The following TTN variants were observed in gnomAD, a reference collection of about 807,000 sequenced individuals.
TTN encodes the protein titin.
A neutral mutation model predicts 3,223.0 loss-of-function variants in TTN; 1,525 were observed. The observed-to-expected ratio is 0.47, with a 90% CI of 0.45 to 0.49. The LOEUF is 0.49. TTN is among the 20% of genes least tolerant of loss of function. The pLI, the probability that TTN is intolerant of heterozygous loss-of-function variation, is 0.00. For missense variants in TTN, 40,786 were observed against 43,424.0 expected, an observed-to-expected ratio of 0.94 and a Z score of 5.40; for synonymous variants, 14,094 against 15,161.0, an observed-to-expected ratio of 0.93 and a Z score of 5.17.
chr2:178,618,360 T>C lies in TTN; in HGVS notation c.47098A>G (p.Lys15700Glu), dbSNP rs2057727269. The change falls in exon 252 of 363, where the codon AAG (lysine) becomes GAG (glutamate). Residue 15700 changes from lysine to glutamate, a missense_variant. Coordinates refer to ENST00000589042, the MANE Select transcript of TTN (RefSeq NM_001267550.2). Reference protein sequence around the residue: ...IGYVVERRDIKRKTWVLATDR... With the variant: ...IGYVVERRDIERKTWVLATDR... Reference sequence around the variant, plus strand: ...GTGGCCAGAACCCAGGTCTTTCTCTTAATGTCACGTCTTTCAACAACGTAA... The same window carrying C: ...GTGGCCAGAACCCAGGTCTTTCTCTCAATGTCACGTCTTTCAACAACGTAA... The C allele has an allele frequency of 6.2e-7, 1 of 1,612,572 alleles. No individual in the cohort carries two copies. The highest frequency in any genetic ancestry group is 8.5e-7 in the Non-Finnish European group (1 of 1,179,102).
intron 41 of TTN, among the ~76,000 whole-genome samples, chr2:178,765,233 A>G (rs1348146854): frequency 6.6e-6 from 1 of 152,182 alleles, no homozygotes. Context: ...TTTTGCAAGT[A>G]TTTGTGTTTA....
At chr2:178,624,817 A>T in intron 241 of TTN, 86 bp from the exon 242 acceptor site, 2 of 1,495,302 alleles carry the variant, frequency 1.3e-6, no homozygotes, top group Non-Finnish European at 1.8e-6. Context: ...TGCCATCTCC[A>T]GGGCTTTGTT....
At position 178,613,983 on chromosome 2, in the gene TTN, AAT is replaced by A. The variant is rs761551875; in HGVS notation, c.49346-48_49346-47del. 7 of 1,609,192 alleles carry A rather than the reference AAT, an allele frequency of 4.4e-6. No individual in the cohort carries two copies. In the East Asian group the frequency reaches 1.6e-4, roughly 36 times the overall value. ...TAAAATGTTATATGTCCTGTATATAAATATGACACCAAAATGCAAGTTTGACA... is the reference window on the plus strand; with the variant it reads ...TAAAATGTTATATGTCCTGTATATAAATGACACCAAAATGCAAGTTTGACA... On this transcript the variant is annotated intron_variant, in intron 262 of 362. Transcript: ENST00000589042.
At position 178,563,005 on chromosome 2, in the gene TTN, C is replaced by G; in HGVS notation, c.83127G>C (p.Trp27709Cys). 1 of 1,613,686 alleles carries G rather than the reference C, an allele frequency of 6.2e-7. No individual in the cohort carries two copies. Among genetic ancestry groups the G allele is most frequent in the South Asian group, 1.1e-5 (1 of 91,080 alleles). The change falls in exon 326 of 363, where the codon TGG (tryptophan) becomes TGC (cysteine). Residue 27709 changes from tryptophan (W) to cysteine (C), a missense_variant. By Grantham distance (215) the Trp-to-Cys change is radical. Transcript: ENST00000589042. This position sits in a 1 kb window ranked among gnomAD's most constrained non-coding sequence, Gnocchi z 4.5. ...IKGRPEPEVK[W>C]EKAEGILTDR... The stretch of plus-strand genomic sequence containing the variant: ...CAGTGAGAATGCCTTCTGCCTTTTC[C>G]CATTTAACTTCGGGTTCTGGTCGAC...
chr2:178,742,468 G>T (rs933267878), intron 47 of TTN, among the ~76,000 whole-genome samples: 2 of 152,054 alleles, frequency 1.3e-5, no homozygotes, highest in African/African-American at 4.8e-5. Context: ...ACTGTTTTCA[G>T]TTTCTAGAAA....
rs1578188351 is a variant in TTN, at chr2:178,732,826, C to T, written c.16342+8G>A. ...TAATAAGGATAAAATGCAAAGTCTC[C>T]AGCCAACCTTGCACAATCAGGGCTC... On this transcript the variant is annotated splice_region_variant and intron_variant, in intron 55 of 362. Transcript: ENST00000589042. 3 of 1,601,068 alleles carry T rather than the reference C, an allele frequency of 1.9e-6. No individual in the cohort carries two copies. The highest frequency in any genetic ancestry group is 2.6e-6 in the Non-Finnish European group (3 of 1,172,508).
chr2:178,632,540 T>C lies in TTN; in HGVS notation c.43466A>G (p.Lys14489Arg). The change falls in exon 235 of 363, where the codon AAA becomes AGA. Residue 14489 changes from lysine (K) to arginine (R), a missense_variant. By Grantham distance (26) the Lys-to-Arg change is conservative (BLOSUM62 2). Coordinates refer to ENST00000589042, the MANE Select transcript of TTN (RefSeq NM_001267550.2). Reference sequence around the variant, plus strand: ...AAACTATTTACCTTCAATGATCAGTTTGCCACTTGTGTGCTTATCTTCAGC... The same window carrying C: ...AAACTATTTACCTTCAATGATCAGTCTGCCACTTGTGTGCTTATCTTCAGC... ...FEAEDKHTSG[K>R]LIIEGIRLKF... 1 of 1,613,198 alleles carries C rather than the reference T, an allele frequency of 6.2e-7. No individual in the cohort carries two copies. The highest frequency in any genetic ancestry group is 1.1e-5 in the South Asian group (1 of 90,964).
Position 178,728,742 on chromosome 2 carries a change from T to C in TTN, c.19184A>G (p.Asp6395Gly). The C allele has an allele frequency of 6.2e-7, 1 of 1,606,706 alleles. No individual in the cohort carries two copies. Among genetic ancestry groups the C allele is most frequent in the Non-Finnish European group, 8.5e-7 (1 of 1,173,930 alleles). The change falls in exon 66 of 363, where the codon GAT becomes GGT. Residue 6395 changes from aspartate (D) to glycine (G), a missense_variant. Transcript: ENST00000589042. ...GGTCATGGGATCTTTCTCCGTAACA[T>C]CAACTGATTTAGCTTTCTCTACGAT... Reference protein sequence around the residue: ...AQIVEKAKSVDVTEKDPMTLE... With the variant: ...AQIVEKAKSVGVTEKDPMTLE...
rs750203753 is a variant in TTN at position 178,549,794 on chromosome 2, G to A, written c.91928C>T (p.Ala30643Val). The A allele has an allele frequency of 2.2e-5, 35 of 1,610,822 alleles. No individual in the cohort carries two copies. Among genetic ancestry groups the A allele is most frequent in the South Asian group, 6.6e-5 (6 of 90,924 alleles). ...TGEKMTLWWD[A>V]PLNDGCAPIT... ...GGGAGCACAACCGTCATTGAGTGGG[G>A]CATCCCACCACAGAGTCATCTTCTC... The change falls in exon 338 of 363, where the codon GCC (alanine) becomes GTC (valine). Residue 30643 changes from alanine (A) to valine (V), a missense_variant. Ala to Val is a moderately conservative substitution (Grantham distance 64). Transcript: ENST00000589042.
chr2:178,548,314 CATT>C lies in TTN; in HGVS notation c.93309_93311del (p.Met31104del). The C allele has an allele frequency of 6.2e-7, 1 of 1,613,800 alleles. No homozygotes were observed. The highest frequency in any genetic ancestry group is 8.5e-7 in the Non-Finnish European group (1 of 1,179,796). On this transcript the variant is annotated inframe_deletion, in exon 339 of 363. Transcript: ENST00000589042. This position sits in a 1 kb window ranked among gnomAD's most constrained non-coding sequence, Gnocchi z 4.3. ...GTTCTGTGGCTACAATTGGTTCTGG[CATT>C]TCATAGGGCTCACCAACACCATACT...
Position 178,569,268 on chromosome 2 carries a change from A to G in TTN, c.76864T>C (p.Trp25622Arg). The G allele has an allele frequency of 6.2e-7, 1 of 1,606,730 alleles. No individual in the cohort carries two copies. Among genetic ancestry groups the G allele is most frequent in the Middle Eastern group, 1.7e-4 (1 of 6,006 alleles). Residue 25622 changes from tryptophan to arginine, a missense_variant, in exon 326 of 363, where the codon TGG becomes CGG. Trp to Arg is a moderately radical substitution (Grantham distance 101). Transcript: ENST00000589042. ...CCCCCATCCAACAAAGGAGGTTCCC[A>G]TGTAATTGATACTGAGTCTTTGGTG... ...EITKDSVSIT[W>R]EPPLLDGGSK... is the part of the protein sequence containing the mutation.
Position 178,577,490 on chromosome 2 carries a change from C to G in TTN, c.68845G>C (p.Asp22949His). The G allele has an allele frequency of 6.3e-7, 1 of 1,589,692 alleles. No individual in the cohort carries two copies. The highest frequency in any genetic ancestry group is 1.1e-5 in the South Asian group (1 of 88,780). ...GTTAGCCCATCTTTTATTGTGGGAT[C>G]AAGGACAATTGTTGGTGCCTCTGCA... The part of the protein sequence containing the change: ...DEYEAPTIVL[D>H]PTIKDGLTIK... The change falls in exon 324 of 363, where the codon GAT becomes CAT. Residue 22949 changes from aspartate to histidine, a missense_variant. Transcript: ENST00000589042.
intron 330 of TTN, chr2:178,556,560 T>C: frequency 4.9e-6 from 2 of 410,256 alleles, no homozygotes; most frequent in Non-Finnish European, 4.3e-6. Flanking sequence ...ACTCTGATAA[T>C]TTAAAACAGA....
chr2:178,757,273 T>G (rs2087557610), intron 45 of TTN, among the ~76,000 whole-genome samples: 1 of 12,150 alleles, frequency 8.2e-5, no homozygotes, highest in African/African-American at 2.6e-4. Context: ...ACAATATTGC[T>G]TAGAAGAGTA....
intron 73 of TTN, 42 bp downstream of exon 73, chr2:178,723,814 G>T (rs889875650): frequency 3.8e-6 from 6 of 1,560,518 alleles, no homozygotes; most frequent in South Asian, 1.2e-5. Context: ...ACCTGAAGAG[G>T]AATTTGTAAG....
In TTN at chr2:178,590,002, T is replaced by C. The variant is rs779775208; in HGVS notation, c.61723A>G (p.Asn20575Asp). 1.2e-6 allele frequency: 2 copies of C among 1,613,220 alleles called. No homozygotes were observed. Among genetic ancestry groups the C allele is most frequent in the Non-Finnish European group, 1.7e-6 (2 of 1,179,498 alleles). Reference protein sequence around the residue: ...NVLDRPGPCQNLKVTNVTKEN... With the variant: ...NVLDRPGPCQDLKVTNVTKEN... ...TTGGTTACATTGGTAACCTTCAAAT[T>C]CTGGCAAGGCCCAGGTCTGTCAAGG... Residue 20575 changes from asparagine to aspartate, a missense_variant, in exon 304 of 363, where the codon AAT becomes GAT. By Grantham distance (23) the Asn-to-Asp change is conservative. Transcript: ENST00000589042.
intron 344 of TTN, 74 bp downstream of exon 344, chr2:178,545,314 G>A: frequency 1.4e-6 from 2 of 1,382,700 alleles, no homozygotes; most frequent in Non-Finnish European, 1.9e-6. Flanking sequence ...AATTCTTAGA[G>A]ATTGTGTGTT....
Position 178,646,536 on chromosome 2 carries a change from T to C in TTN, c.40246A>G (p.Lys13416Glu), listed in dbSNP as rs1471163520. 1 of 1,547,128 alleles carries C rather than the reference T, an allele frequency of 6.5e-7. No individual in the cohort carries two copies. The highest frequency in any genetic ancestry group is 2.5e-5 in the East Asian group (1 of 40,802). The change falls in exon 216 of 363, where the codon AAA (lysine) becomes GAA (glutamate). Residue 13416 changes from lysine (K) to glutamate (E), a missense_variant. Transcript: ENST00000589042. ...VEEREIEKYI[K>E]PEEPEPEPQP... ...GGTTCAGGTTCGGGCTCTTCAGGTT[T>C]AATATACTTTTCAATTTCACGTTCT... is the stretch of plus-strand genomic sequence containing the variant.
chr2:178,727,730 T>C lies in TTN; in HGVS notation c.19848A>G (p.Ser6616=), dbSNP rs1345701707. The part of the protein sequence containing the change: ...KWFKDDVELV[S]GPKCFIGLEG... ...CCAAGCCAATGAAACATTTAGGACC[T>C]GAGACAAGTTCCACATCATCCTTAA... The change falls in exon 68 of 363, where the codon TCA becomes TCG. Residue 6616 remains serine (S), a synonymous_variant. Coordinates refer to ENST00000589042, the MANE Select transcript of TTN (RefSeq NM_001267550.2). 3 of 1,613,404 alleles carry C rather than the reference T, an allele frequency of 1.9e-6. No homozygotes were observed. Among genetic ancestry groups the C allele is most frequent in the Non-Finnish European group, 2.5e-6 (3 of 1,179,488 alleles).
Sources: allele counts gnomAD v4.1 joint callset (sites outside exome capture counted in the v4.1 genomes callset), GRCh38; gene constraint gnomAD v4.1.1; non-coding constraint Gnocchi (gnomAD v3.1); transcripts MANE v1.5; gene names NCBI Gene and HGNC (gene_info 2026-07-23, HGNC 2026-07-21).